The following CNOT7 variants were observed in gnomAD, a reference collection of about 807,000 sequenced individuals.
CNOT7 encodes CCR4-NOT transcription complex subunit 7, also known as BTG1-binding factor 1.
In CNOT7, 4 loss-of-function variants were observed where a neutral mutation model predicts 37.1. The observed-to-expected ratio is 0.11, with a 90% CI of 0.05 to 0.25. CNOT7 has a LOEUF of 0.25. Among genes scored for constraint, CNOT7 ranks in the 10% least tolerant of loss-of-function variants. The pLI, the probability that CNOT7 is intolerant of heterozygous loss-of-function variation, is 1.00. For missense variants in CNOT7, 170 were observed against 336.2 expected (o/e 0.51, Z 3.87); for synonymous variants, 128 against 115.6 (o/e 1.11, Z -0.69).
chr8:17,238,720 G>A (rs1203565350), intron 3 of CNOT7, among the ~76,000 whole-genome samples: 5 of 152,190 alleles, frequency 3.3e-5, no homozygotes, highest in African/African-American at 1.2e-4. Flanking sequence ...AAGTAGTTTA[G>A]ACCTTTTTCT....
chr8:17,237,092 C>T (rs1227702729), intron 4 of CNOT7, 120 bp downstream of exon 4: 2 of 936,436 alleles, frequency 2.1e-6, no homozygotes, highest in Admixed American at 4.3e-5. Context: ...GGAGACAACT[C>T]TATATGGCAG....
At chr8:17,234,242 G>T (rs1045192357) in intron 5 of CNOT7, among the ~76,000 whole-genome samples, 2 of 152,034 alleles carry the variant, frequency 1.3e-5, no homozygotes. Flanking sequence ...CCTATCACTA[G>T]AACTGACAAA....
chr8:17,237,000 C>A (rs185883320), intron 4 of CNOT7, among the ~76,000 whole-genome samples: 1 of 152,294 alleles, frequency 6.6e-6, no homozygotes, highest in African/African-American at 2.4e-5. Flanking sequence ...TTCCACTATG[C>A]AACATGCTTC....
In CNOT7 at chr8:17,245,121, C is replaced by T; in HGVS notation, c.32G>A (p.Arg11Lys). The T allele has an allele frequency of 6.2e-7, 1 of 1,613,642 alleles. No individual in the cohort carries two copies. The highest frequency in any genetic ancestry group is 8.5e-7 in the Non-Finnish European group (1 of 1,179,814). ...GTTGCAAGCCCAAACTTCACAAATTCTTTGGCTATGATCTACAGTTGCCGC... is the reference window on the plus strand; with the variant it reads ...GTTGCAAGCCCAAACTTCACAAATTTTTTGGCTATGATCTACAGTTGCCGC... Reference protein sequence around the residue: MPAATVDHSQRICEVWACNLD... With the variant: MPAATVDHSQKICEVWACNLD... Residue 11 changes from arginine (R) to lysine (K), a missense_variant, in exon 2 of 7, where the codon AGA becomes AAA. By Grantham distance (26) the Arg-to-Lys change is conservative. This residue lies in a region of CNOT7 where 38 missense variants were observed against 36.9 expected (regional missense o/e 1.03). Coordinates refer to ENST00000361272, the MANE Select transcript of CNOT7 (RefSeq NM_013354.7).
intron 5 of CNOT7, chr8:17,234,482 A>G: frequency 2.1e-6 from 1 of 474,022 alleles, no homozygotes; most frequent in South Asian, 2.2e-5. Context: ...AACCGGACCT[A>G]AGCCTGAAAT....
rs1360864354 is a variant in CNOT7, at chr8:17,230,467, ACT to A, written c.*251_*252del. 7 of 255,664 alleles carry A rather than the reference ACT, an allele frequency of 2.7e-5. No homozygotes were observed. In the South Asian group the frequency reaches 5.0e-4, roughly 18 times the overall value. The allele number at this position is 255,664 out of a possible 1,614,324, so 15.8% of individuals were successfully genotyped here. On this transcript the variant is annotated 3_prime_UTR_variant, in exon 7 of 7. Coordinates refer to ENST00000361272, the MANE Select transcript of CNOT7 (RefSeq NM_013354.7). ...AATATTCAATGATGTAGCTTTCCCCACTCTCTGTCACACACGCTTGCTAACAA... is the reference window on the plus strand; with the variant it reads ...AATATTCAATGATGTAGCTTTCCCCACTCTGTCACACACGCTTGCTAACAA...
Position 17,227,718 on chromosome 8 carries a change from A to ATTCTT in CNOT7, c.*2997_*3001dup, listed in dbSNP as rs1404470991. On this transcript the variant is annotated 3_prime_UTR_variant, in exon 7 of 7. Coordinates refer to ENST00000361272, the MANE Select transcript of CNOT7 (RefSeq NM_013354.7). ...GATGTTAGTCTGATACTGTCAGTCT[A>ATTCTT]TTCTTTTACCAGTTATGGTGACACT... 6.6e-6 allele frequency: 1 copy of ATTCTT among 151,862 alleles called. No homozygotes were observed. Among genetic ancestry groups the ATTCTT allele is most frequent in the Admixed American group, 6.6e-5 (1 of 15,214 alleles). The allele number at this position is 151,862 out of a possible 1,614,324, so 9.4% of individuals were successfully genotyped here.
intron 6 of CNOT7, chr8:17,232,047 C>A: frequency 9.6e-7 from 1 of 1,041,296 alleles, no homozygotes; most frequent in Non-Finnish European, 1.2e-6. Flanking sequence ...TATAAAGATT[C>A]CTTGCCTTGT....
intron 3 of CNOT7, 145 bp downstream of exon 3, chr8:17,242,847 A>G (rs1810375770): frequency 8.3e-6 from 4 of 480,412 alleles, no homozygotes; most frequent in Non-Finnish European, 1.5e-5. Context: ...AAAGAAAACC[A>G]CGCTTTTGAA....
chr8:17,232,145 C>T (rs1227387084), intron 6 of CNOT7: 3 of 1,120,778 alleles, frequency 2.7e-6, no homozygotes, highest in African/African-American at 3.3e-5. Context: ...AGCCTGTTTT[C>T]TCACCTGAGA....
At chr8:17,243,425 T>C (rs1206718840) in intron 2 of CNOT7, 8 of 629,374 alleles carry the variant, frequency 1.3e-5, no homozygotes, top group South Asian at 9.3e-5. Context: ...ATGTGATAAA[T>C]TTAACCAAAT....
chr8:17,239,339 T>G (rs1344253505), intron 3 of CNOT7, among the ~76,000 whole-genome samples: 2 of 152,154 alleles, frequency 1.3e-5, no homozygotes, highest in Non-Finnish European at 2.9e-5. Flanking sequence ...ATTACAGGAA[T>G]GGGCTACTGC....
rs1808419688 is a variant in CNOT7, at chr8:17,229,919, C to T, written c.*801G>A. The T allele has an allele frequency of 6.6e-6, 1 of 151,574 alleles. No homozygotes were observed. The highest frequency in any genetic ancestry group is 1.5e-5 in the Non-Finnish European group (1 of 67,758). 9.4% of individuals were successfully genotyped at this position (151,574 alleles called of 1,614,324 possible). ...GTGTGCTATCATAAAATAACTGTAG[C>T]TTCAACATCTTGAGTACCAGTTTCC... On this transcript the variant is annotated 3_prime_UTR_variant, in exon 7 of 7. Coordinates refer to ENST00000361272, the MANE Select transcript of CNOT7 (RefSeq NM_013354.7).
Position 17,237,265 on chromosome 8 carries a change from A to G in CNOT7, c.420T>C (p.Leu140=). The G allele has an allele frequency of 6.2e-7, 1 of 1,614,140 alleles. No homozygotes were observed. Among genetic ancestry groups the G allele is most frequent in the Middle Eastern group, 1.7e-4 (1 of 6,060 alleles). Residue 140 remains leucine (L), a synonymous_variant, in exon 4 of 7, where the codon CTT becomes CTC. Transcript: ENST00000361272. Reference sequence around the variant, plus strand: ...CACAGAGGACCACTCCAGAAGTCATAAGAAGTTCTGCAAAGTACTGGGTTT... The same window carrying G: ...CACAGAGGACCACTCCAGAAGTCATGAGAAGTTCTGCAAAGTACTGGGTTT... ...GIETQYFAEL[L]MTSGVVLCEG... is the part of the protein sequence containing the mutation.
At chr8:17,232,289 T>C in intron 6 of CNOT7, 138 bp downstream of exon 6, 2 of 1,520,100 alleles carry the variant, frequency 1.3e-6, no homozygotes, top group South Asian at 1.3e-5. Flanking sequence ...CTTTTAAGTG[T>C]GGTGGATGTG....
intron 2 of CNOT7, chr8:17,244,211 T>C (rs73200915): frequency 0.088 from 13,596 of 153,894 alleles, 691 homozygotes; most frequent in South Asian, 0.2. Flanking sequence ...GACAGTATAA[T>C]GGTAAAGAAG....
At chr8:17,242,062 A>G (rs1328824343) in intron 3 of CNOT7, 1 of 152,154 alleles carries the variant, frequency 6.6e-6, no homozygotes, top group African/African-American at 2.4e-5. Flanking sequence ...CTACTCACTC[A>G]CACTGGGACA....
At chr8:17,245,591 C>A (rs1240323053) in intron 1 of CNOT7, among the ~76,000 whole-genome samples, 2 of 152,144 alleles carry the variant, frequency 1.3e-5, no homozygotes, top group Non-Finnish European at 2.9e-5. Flanking sequence ...TGAAAAATTA[C>A]TTATTTACAT....
rs533518078 is a variant in CNOT7, at chr8:17,229,011, G to C, written c.*1709C>G. 1.1e-4 allele frequency: 17 copies of C among 152,048 alleles called. 1 individual carries two copies. The highest frequency in any genetic ancestry group is 4.1e-4 in the African/African-American group (17 of 41,558). 9.4% of individuals were successfully genotyped at this position (152,048 alleles called of 1,614,324 possible). A position where few individuals can be genotyped will look rare whatever the true frequency, so the allele number is the denominator to read the frequency against. On this transcript the variant is annotated 3_prime_UTR_variant, in exon 7 of 7. Transcript: ENST00000361272. ...AATGCATTCCTGGAAAGGAGAAACA[G>C]AAGTCAGTCCTTAATTAGCTAGTTG...
Sources: allele counts gnomAD v4.1 joint callset (sites outside exome capture counted in the v4.1 genomes callset), GRCh38; gene constraint gnomAD v4.1.1; regional missense constraint gnomAD v4.1.1; transcripts MANE v1.5; gene names NCBI Gene and HGNC (gene_info 2026-07-23, HGNC 2026-07-21).